Variants in ADAMTS6 observed in about 807,000 individuals in gnomAD.
ADAMTS6 encodes A disintegrin and metalloproteinase with thrombospondin motifs 6.
A neutral mutation model predicts 144.3 loss-of-function variants in ADAMTS6; 23 were observed. The observed-to-expected ratio is 0.16, with a 90% CI of 0.11 to 0.23. ADAMTS6 has a LOEUF of 0.23. Among genes scored for constraint, ADAMTS6 ranks in the 10% least tolerant of loss-of-function variants. The pLI, the probability that ADAMTS6 is intolerant of heterozygous loss-of-function variation, is 1.00. For synonymous variants in ADAMTS6, 444 were observed against 457.5 expected (o/e 0.97, Z 0.38); for missense variants, 999 against 1,379.6 (o/e 0.72, Z 4.37).
intron 4 of ADAMTS6, among the ~76,000 whole-genome samples, chr5:65,455,083 TTACTCTGGC>T (rs1336674590): frequency 1.3e-5 from 2 of 152,244 alleles, no homozygotes; most frequent in Non-Finnish European, 2.9e-5. Context: ...GCCTAGTCTC[TTACTCTGGC>T]TAAACAGCTT....
chr5:65,376,151 A>T (rs1751514297), intron 7 of ADAMTS6, among the ~76,000 whole-genome samples: 1 of 152,178 alleles, frequency 6.6e-6, no homozygotes, highest in Non-Finnish European at 1.5e-5. Flanking sequence ...TGGGAGATGT[A>T]CCTAATGCTA....
At chr5:65,386,817 C>A (rs1283994961) in intron 7 of ADAMTS6, among the ~76,000 whole-genome samples, 1 of 152,186 alleles carries the variant, frequency 6.6e-6, no homozygotes, top group Non-Finnish European at 1.5e-5. Context: ...AAACTCCTGA[C>A]CTCAAGTGAT....
chr5:65,239,865 C>A (rs1759015897), intron 15 of ADAMTS6, among the ~76,000 whole-genome samples: 1 of 152,134 alleles, frequency 6.6e-6, no homozygotes, highest in South Asian at 2.1e-4. Context: ...GACAAGGATG[C>A]ACAACAAATA....
intron 22 of ADAMTS6, among the ~76,000 whole-genome samples, chr5:65,179,157 T>A (rs544750503): frequency 1.3e-5 from 2 of 152,354 alleles, no homozygotes; most frequent in Admixed American, 1.3e-4. Context: ...CAGTAAGGAC[T>A]TCAACTGACC....
At chr5:65,319,890 C>T (rs1745425701) in intron 9 of ADAMTS6, among the ~76,000 whole-genome samples, 2 of 152,314 alleles carry the variant, frequency 1.3e-5, no homozygotes, top group South Asian at 2.1e-4. Flanking sequence ...GTTGCCCAGG[C>T]TGGAGTGCAA....
At chr5:65,422,096 A>G (rs1756095060) in intron 7 of ADAMTS6, among the ~76,000 whole-genome samples, 1 of 152,232 alleles carries the variant, frequency 6.6e-6, no homozygotes, top group South Asian at 2.1e-4. Context: ...CAAGGAACTC[A>G]AAACAAATCA....
intron 24 of ADAMTS6, among the ~76,000 whole-genome samples, chr5:65,160,127 G>C (rs754683862): frequency 6.6e-6 from 1 of 152,080 alleles, no homozygotes; most frequent in Non-Finnish European, 1.5e-5. Context: ...TCAACTGAAA[G>C]ACTATTTTAG....
At chr5:65,172,807 G>A in intron 23 of ADAMTS6, 25 bp downstream of exon 23, 6 of 1,604,988 alleles carry the variant, frequency 3.7e-6, no homozygotes, top group Non-Finnish European at 5.1e-6. Context: ...TATTTCAGCA[G>A]GAGCCCACAG....
chr5:65,221,402 T>A (rs1757314337), intron 18 of ADAMTS6, among the ~76,000 whole-genome samples: 1 of 152,182 alleles, frequency 6.6e-6, no homozygotes, highest in African/African-American at 2.4e-5. Flanking sequence ...CCCCACCTAA[T>A]CATGTCAATA....
At chr5:65,284,167 T>A (rs529122682) in intron 11 of ADAMTS6, among the ~76,000 whole-genome samples, 1 of 152,128 alleles carries the variant, frequency 6.6e-6, no homozygotes, top group South Asian at 2.1e-4. Context: ...TTGGTGGTGA[T>A]AAAATAATAA....
At chr5:65,160,345 C>T (rs976645712) in intron 24 of ADAMTS6, among the ~76,000 whole-genome samples, 2 of 148,652 alleles carry the variant, frequency 1.3e-5, no homozygotes, top group African/African-American at 2.5e-5. Context: ...CTCGCTCTGT[C>T]GCCCAGGCTG....
intron 4 of ADAMTS6, among the ~76,000 whole-genome samples, chr5:65,454,681 T>C (rs1340448979): frequency 6.6e-6 from 1 of 152,234 alleles, no homozygotes; most frequent in African/African-American, 2.4e-5. Context: ...AGCATTTGTC[T>C]AGAGTCTCTC....
chr5:65,409,569 A>T (rs1024045472), intron 7 of ADAMTS6, among the ~76,000 whole-genome samples: 1 of 152,218 alleles, frequency 6.6e-6, no homozygotes, highest in Admixed American at 6.5e-5. Flanking sequence ...TACCAGAGGT[A>T]CAAGGAGGAG....
At chr5:65,302,107 A>AAATAT (rs1385159906) in intron 9 of ADAMTS6, among the ~76,000 whole-genome samples, 5 of 34,088 alleles carry the variant, frequency 1.5e-4, no homozygotes, top group South Asian at 7.0e-4. Flanking sequence ...AAAAAAAAAA[A>AAATAT]ATATATATAT....
intron 23 of ADAMTS6, among the ~76,000 whole-genome samples, 159 bp from the exon 24 acceptor site, chr5:65,170,932 G>C: frequency 7.0e-6 from 1 of 143,616 alleles, no homozygotes; most frequent in African/African-American, 2.6e-5. Context: ...TCTCGAACCT[G>C]ACCTCAAGCA....
intron 8 of ADAMTS6, among the ~76,000 whole-genome samples, chr5:65,332,240 A>C (rs1305887959): frequency 6.7e-6 from 1 of 149,834 alleles, no homozygotes; most frequent in Non-Finnish European, 1.5e-5. Context: ...TATGTAAATA[A>C]CCTACCTTCA....
chr5:65,460,342 A>G lies in ADAMTS6; in HGVS notation c.463-4T>C. On this transcript the variant is annotated splice_polypyrimidine_tract_variant and splice_region_variant and intron_variant, in intron 3 of 24. Transcript: ENST00000381055. ...CTTCTGTAGCAATAACACCATGCTA[A>G]AAGAAAAATAAACAAAGAACTTACC... The G allele has an allele frequency of 6.3e-7, 1 of 1,583,824 alleles. No homozygotes were observed. Among genetic ancestry groups the G allele is most frequent in the Non-Finnish European group, 8.6e-7 (1 of 1,167,014 alleles).
Position 65,197,182 on chromosome 5 carries a change from G to A in ADAMTS6, c.2576-31C>T, listed in dbSNP as rs772421865. ...GAAAAGGAGGACATCATTAATTGAA[G>A]AGAAGTTTACCTTCCATTAAGTTAG... is the stretch of plus-strand genomic sequence containing the variant. On this transcript the variant is annotated intron_variant, in intron 20 of 24. Coordinates refer to ENST00000381055, the MANE Select transcript of ADAMTS6 (RefSeq NM_197941.4). 3 of 1,610,174 alleles carry A rather than the reference G, an allele frequency of 1.9e-6. No individual in the cohort carries two copies. The South Asian group carries it at 3.3e-5, about 18-fold the overall frequency.
chr5:65,240,231 A>T (rs1176967757), intron 15 of ADAMTS6, among the ~76,000 whole-genome samples: 1 of 152,114 alleles, frequency 6.6e-6, no homozygotes, highest in Non-Finnish European at 1.5e-5. Context: ...CAGCCTCCCA[A>T]GTAGCTGGGC....
Sources: gnomAD v4.1 joint callset for allele counts (sites outside exome capture counted in the v4.1 genomes callset) on GRCh38, gnomAD v4.1.1 for gene constraint, MANE v1.5 for transcripts, NCBI Gene and HGNC (gene_info 2026-07-23, HGNC 2026-07-21) for gene names.